CSMD1: variants seen among roughly 807,000 people sequenced by gnomAD.
The protein encoded by CSMD1 is CUB and Sushi multiple domains 1.
In CSMD1, 213 loss-of-function variants were observed where a neutral mutation model predicts 417.5. The ratio of observed to expected loss-of-function variants is 0.51; its 90% CI spans 0.46 to 0.57. The LOEUF (loss-of-function observed/expected upper bound fraction) is 0.57, where lower values mean the gene tolerates loss of function less well. CSMD1 is among the 20% of genes least tolerant of loss of function. CSMD1 has a pLI of 0.00. For missense variants in CSMD1, 6,923 were observed against 4,529.7 expected (o/e 1.53, Z -15.17); for synonymous variants, 2,862 against 1,736.8 (o/e 1.65, Z -16.11).
rs17079685 is a variant in CSMD1, at chr8:3,236,484, G to A, written c.4154-6253C>T. ...TAAACAATGTAGTGCAGAATACATC[G>A]GTTGGGTCTTTGAAACAAATTTCAT... On this transcript the variant is annotated intron_variant, in intron 26 of 69. Coordinates refer to ENST00000635120, the MANE Select transcript of CSMD1 (RefSeq NM_033225.6). 4.0e-3 allele frequency among the ~76,000 whole-genome samples: 607 copies of A among 152,288 alleles called. 7 individuals are homozygous for A. Among genetic ancestry groups the A allele is most frequent in the African/African-American group, 0.014 (573 of 41,570 alleles).
chr8:3,597,157 A>T (rs1244945102), intron 8 of CSMD1, among the ~76,000 whole-genome samples: 1 of 152,140 alleles, frequency 6.6e-6, no homozygotes, highest in Non-Finnish European at 1.5e-5. Flanking sequence ...AATCAGAGGG[A>T]ATCAATGCCC....
intron 1 of CSMD1, among the ~76,000 whole-genome samples, chr8:4,690,352 C>T (rs567005380): frequency 2.2e-4 from 33 of 152,290 alleles, no homozygotes; most frequent in Non-Finnish European, 4.1e-4. Flanking sequence ...TACTTCCCTT[C>T]ACCTATAGTT....
At chr8:4,847,912 A>G (rs1801240466) in intron 1 of CSMD1, among the ~76,000 whole-genome samples, 1 of 151,934 alleles carries the variant, frequency 6.6e-6, no homozygotes, top group African/African-American at 2.4e-5. Flanking sequence ...TATTTTCATC[A>G]CTGCAAAATG....
At chr8:3,495,388 G>T (rs911879931) in intron 10 of CSMD1, among the ~76,000 whole-genome samples, 1 of 151,914 alleles carries the variant, frequency 6.6e-6, no homozygotes, top group Admixed American at 6.6e-5. Context: ...TGTCATGTTT[G>T]GCTGATTTGC....
At chr8:4,247,283 A>C (rs1398932743) in intron 3 of CSMD1, among the ~76,000 whole-genome samples, 1 of 152,156 alleles carries the variant, frequency 6.6e-6, no homozygotes, top group African/African-American at 2.4e-5. Flanking sequence ...TCACTTAGAT[A>C]ATCAATGGGT....
At chr8:3,427,177 G>C (rs879584942) in intron 12 of CSMD1, among the ~76,000 whole-genome samples, 5 of 152,166 alleles carry the variant, frequency 3.3e-5, no homozygotes, top group Admixed American at 3.3e-4. Context: ...ATGAGATTTT[G>C]GGTGCAGACT....
At chr8:4,163,243 A>C (rs1341456501) in intron 3 of CSMD1, among the ~76,000 whole-genome samples, 1 of 152,154 alleles carries the variant, frequency 6.6e-6, no homozygotes, top group Non-Finnish European at 1.5e-5. Flanking sequence ...CCTTCAGATA[A>C]ATAACAAGGA....
At chr8:3,947,322 A>C (rs1219587455) in intron 5 of CSMD1, among the ~76,000 whole-genome samples, 6 of 152,182 alleles carry the variant, frequency 3.9e-5, no homozygotes, top group Non-Finnish European at 8.8e-5. Context: ...TGTTAAGATT[A>C]TGAATTACAA....
intron 5 of CSMD1, among the ~76,000 whole-genome samples, chr8:3,775,509 C>A (rs1338837122): frequency 1.3e-5 from 2 of 152,090 alleles, no homozygotes; most frequent in East Asian, 1.9e-4. Context: ...AATAACATTT[C>A]CAATAGGATC....
chr8:3,780,886 A>T (rs545963414), intron 5 of CSMD1, among the ~76,000 whole-genome samples: 1 of 152,312 alleles, frequency 6.6e-6, no homozygotes, highest in African/African-American at 2.4e-5. Context: ...AGAGTGTGGA[A>T]GGGGTTTAGG....
At chr8:3,828,352 T>C (rs979761615) in intron 5 of CSMD1, among the ~76,000 whole-genome samples, 2 of 152,326 alleles carry the variant, frequency 1.3e-5, no homozygotes, top group Middle Eastern at 3.4e-3. Context: ...ATTAAGAATC[T>C]GTTAGGATTT....
At chr8:3,913,574 G>T (rs976704268) in intron 5 of CSMD1, among the ~76,000 whole-genome samples, 1 of 152,170 alleles carries the variant, frequency 6.6e-6, no homozygotes, top group African/African-American at 2.4e-5. Context: ...AATACGGTCA[G>T]TGAGTTCCAG....
At chr8:4,105,877 GAC>G (rs1321321197) in intron 3 of CSMD1, among the ~76,000 whole-genome samples, 1 of 152,182 alleles carries the variant, frequency 6.6e-6, no homozygotes, top group Non-Finnish European at 1.5e-5. Flanking sequence ...GAGCAGACAG[GAC>G]ACAGCTCGGC....
At chr8:3,504,419 G>A (rs1406026697) in intron 10 of CSMD1, among the ~76,000 whole-genome samples, 1 of 152,188 alleles carries the variant, frequency 6.6e-6, no homozygotes, top group Non-Finnish European at 1.5e-5. Context: ...TGGGATTCAA[G>A]AATGCAGTGC....
At chr8:4,684,238 G>A (rs376058908) in intron 1 of CSMD1, among the ~76,000 whole-genome samples, 23 of 152,160 alleles carry the variant, frequency 1.5e-4, no homozygotes, top group Middle Eastern at 3.4e-3. Flanking sequence ...TTTATACTTC[G>A]GACAACTTTC....
chr8:3,992,329 G>T (rs1357426378), intron 5 of CSMD1, among the ~76,000 whole-genome samples: 1 of 152,004 alleles, frequency 6.6e-6, no homozygotes, highest in Non-Finnish European at 1.5e-5. Flanking sequence ...GGAACTCTGG[G>T]GTGACAGTTT....
At chr8:3,512,674 T>A (rs976643079) in intron 10 of CSMD1, among the ~76,000 whole-genome samples, 12 of 151,050 alleles carry the variant, frequency 7.9e-5, no homozygotes, top group African/African-American at 2.9e-4. Flanking sequence ...GATGACATGA[T>A]CTGGGCTCCC....
intron 49 of CSMD1, among the ~76,000 whole-genome samples, chr8:3,076,211 G>A (rs12674703): frequency 0.44 from 67,018 of 151,502 alleles, 14,952 homozygotes; most frequent in Non-Finnish European, 0.46. Context: ...GTGTCGGCGG[G>A]GCTGGTTCTG....
intron 51 of CSMD1, among the ~76,000 whole-genome samples, chr8:3,022,536 T>C (rs1337664974): frequency 6.6e-6 from 1 of 152,228 alleles, no homozygotes; most frequent in Non-Finnish European, 1.5e-5. Context: ...TTGAAATATA[T>C]CAACTTTAAA....
Sources: gnomAD v4.1 joint callset for allele counts (sites outside exome capture counted in the v4.1 genomes callset) on GRCh38, gnomAD v4.1.1 for gene constraint, MANE v1.5 for transcripts, NCBI Gene and HGNC (gene_info 2026-07-23, HGNC 2026-07-21) for gene names.